The following OTUD7A variants were observed in gnomAD, a reference collection of about 807,000 sequenced individuals.
OTUD7A encodes the protein OTU deubiquitinase 7A.
In OTUD7A, 12 loss-of-function variants were observed where a neutral mutation model predicts 65.7. The observed-to-expected ratio is 0.18, with a 90% CI of 0.12 to 0.30. The LOEUF is 0.30. OTUD7A is among the 10% of genes least tolerant of loss of function. OTUD7A has a pLI of 1.00. For synonymous variants in OTUD7A, 641 were observed against 586.3 expected, an observed-to-expected ratio of 1.09 and a Z score of -1.35; for missense variants, 1,148 against 1,304.8, an observed-to-expected ratio of 0.88 and a Z score of 1.85.
At chr15:31,807,249 T>C (rs1350817413) in intron 1 of OTUD7A, among the ~76,000 whole-genome samples, 1 of 152,292 alleles carries the variant, frequency 6.6e-6, no homozygotes, top group East Asian at 1.9e-4. Context: ...ACATTGGCTA[T>C]GGTTCACACT....
chr15:31,790,654 C>A (rs1895789310), intron 1 of OTUD7A, among the ~76,000 whole-genome samples: 1 of 152,220 alleles, frequency 6.6e-6, no homozygotes, highest in Non-Finnish European at 1.5e-5. Flanking sequence ...CCTGGTTCTG[C>A]ACCCATTAAT....
intron 1 of OTUD7A, among the ~76,000 whole-genome samples, chr15:31,674,485 C>T (rs1360367215): frequency 1.3e-5 from 2 of 152,186 alleles, no homozygotes; most frequent in Admixed American, 1.3e-4. Context: ...AGATGTTGTC[C>T]ACTGCATACC....
chr15:31,743,262 A>G (rs780935554), intron 1 of OTUD7A, among the ~76,000 whole-genome samples: 1 of 152,224 alleles, frequency 6.6e-6, no homozygotes, highest in Non-Finnish European at 1.5e-5. Context: ...AATATGTCCT[A>G]AGACAAAAAA....
At chr15:31,532,410 C>T (rs556055158) in intron 5 of OTUD7A, among the ~76,000 whole-genome samples, 21 of 152,108 alleles carry the variant, frequency 1.4e-4, no homozygotes, top group Middle Eastern at 6.8e-3. Context: ...AAATACAACT[C>T]TGATTTTAAA....
At chr15:31,632,442 T>C (rs556045377) in intron 3 of OTUD7A, among the ~76,000 whole-genome samples, 18 of 152,370 alleles carry the variant, frequency 1.2e-4, no homozygotes, top group African/African-American at 4.3e-4. Flanking sequence ...ACAGCAGATC[T>C]TGGTGAACCA....
intron 1 of OTUD7A, chr15:31,768,100 T>C: frequency 6.3e-7 from 1 of 1,598,966 alleles, no homozygotes; most frequent in South Asian, 1.1e-5. Context: ...TAAAGTGTTG[T>C]CTGTGTTTTC....
intron 5 of OTUD7A, among the ~76,000 whole-genome samples, chr15:31,534,589 G>T (rs1454127800): frequency 6.6e-6 from 1 of 152,144 alleles, no homozygotes; most frequent in Admixed American, 6.5e-5. Context: ...ATCTGTATTC[G>T]CAAATCAGAA....
chr15:31,810,982 T>A (rs1434267694), intron 1 of OTUD7A, among the ~76,000 whole-genome samples: 1 of 152,128 alleles, frequency 6.6e-6, no homozygotes, highest in African/African-American at 2.4e-5. Context: ...GCAGCCTGTA[T>A]TGTGTGCCTG....
At chr15:31,689,879 A>C (rs1334155661) in intron 1 of OTUD7A, among the ~76,000 whole-genome samples, 1 of 152,134 alleles carries the variant, frequency 6.6e-6, no homozygotes, top group African/African-American at 2.4e-5. Flanking sequence ...CTGGGAGAGA[A>C]GTTCTGGGGG....
At chr15:31,829,812 C>T (rs1258714627) in intron 1 of OTUD7A, among the ~76,000 whole-genome samples, 1 of 152,232 alleles carries the variant, frequency 6.6e-6, no homozygotes, top group Non-Finnish European at 1.5e-5. Flanking sequence ...GTTCCTTACA[C>T]CTGAGTCTTT....
intron 1 of OTUD7A, among the ~76,000 whole-genome samples, chr15:31,817,810 C>T (rs1896588247): frequency 6.6e-6 from 1 of 152,222 alleles, no homozygotes; most frequent in Admixed American, 6.5e-5. Flanking sequence ...TGCCTTTCTC[C>T]AAGTTGTACA....
rs537467102 is a variant in OTUD7A, at chr15:31,562,595, T to TA, written c.332-3409dup. On this transcript the variant is annotated intron_variant, in intron 4 of 12. Transcript: ENST00000307050. ...CTCCTGTTTCCAAGGAACTGTGAGT[T>TA]AAAAAAAAAAAACAACTTCCACCTT... 7.0e-3 allele frequency among the ~76,000 whole-genome samples: 1,008 copies of TA among 144,674 alleles called. 6 individuals are homozygous for TA. The highest frequency in any genetic ancestry group is 0.011 in the Non-Finnish European group (689 of 65,516). The allele number at this position is 144,674 out of a possible 152,430, so 94.9% of individuals were successfully genotyped here.
At chr15:31,608,472 G>A (rs1473258052) in intron 3 of OTUD7A, among the ~76,000 whole-genome samples, 1 of 152,198 alleles carries the variant, frequency 6.6e-6, no homozygotes, top group South Asian at 2.1e-4. Context: ...ACAGTGGGAG[G>A]TGGAGGTGTG....
intron 1 of OTUD7A, among the ~76,000 whole-genome samples, chr15:31,786,805 C>T (rs964791756): frequency 1.8e-4 from 27 of 152,070 alleles, no homozygotes; most frequent in Admixed American, 1.3e-3. Flanking sequence ...GGCTCAGAGT[C>T]GAAGCATCCC....
intron 3 of OTUD7A, among the ~76,000 whole-genome samples, chr15:31,627,463 A>G (rs377190900): frequency 4.6e-5 from 7 of 151,888 alleles, no homozygotes; most frequent in East Asian, 3.9e-4. Context: ...GTGTATATGT[A>G]CCACATTTTC....
chr15:31,837,985 C>A (rs1305259571), intron 1 of OTUD7A, among the ~76,000 whole-genome samples: 3 of 152,144 alleles, frequency 2.0e-5, no homozygotes, highest in African/African-American at 7.2e-5. Flanking sequence ...ACAAGTACAG[C>A]CAACTGATAC....
At chr15:31,746,690 T>A (rs1894488836) in intron 1 of OTUD7A, among the ~76,000 whole-genome samples, 1 of 152,108 alleles carries the variant, frequency 6.6e-6, no homozygotes, top group Admixed American at 6.5e-5. Flanking sequence ...GAGACAGGGT[T>A]TCTCCATGTT....
In OTUD7A at chr15:31,487,154, A is replaced by G; in HGVS notation, c.1371+40T>C. On this transcript the variant is annotated intron_variant, in intron 12 of 12. Coordinates refer to ENST00000307050, the MANE Select transcript of OTUD7A (RefSeq NM_001382637.1). The surrounding 1 kb of genome is among the most constrained non-coding windows in gnomAD (Gnocchi z 6.0). ...GTCAGACTGGAGCTGAGCAGCCTGG[A>G]CCCTGCTGCCAGGTCTGGTCCCAGC... The G allele has an allele frequency of 6.3e-7, 1 of 1,580,458 alleles. No homozygotes were observed. The highest frequency in any genetic ancestry group is 8.7e-7 in the Non-Finnish European group (1 of 1,152,594).
intron 8 of OTUD7A, 23 bp downstream of exon 8, chr15:31,526,326 G>C (rs1245437033): frequency 6.4e-7 from 1 of 1,562,898 alleles, no homozygotes; most frequent in Non-Finnish European, 8.6e-7. Context: ...GTGACTTCTG[G>C]GGAGAGCAGG....
Sources: gnomAD v4.1 joint callset for allele counts (sites outside exome capture counted in the v4.1 genomes callset) on GRCh38, gnomAD v4.1.1 for gene constraint, Gnocchi (gnomAD v3.1) non-coding constraint, MANE v1.5 for transcripts, NCBI Gene and HGNC (gene_info 2026-07-23, HGNC 2026-07-21) for gene names.